The following SH2D4B variants were observed in gnomAD, a reference collection of about 807,000 sequenced individuals.
SH2D4B encodes the protein SH2 domain-containing protein 4B.
Under a neutral mutation model 61.5 loss-of-function variants are expected in SH2D4B, and 45 were observed. The ratio of observed to expected loss-of-function variants is 0.73; its 90% CI spans 0.58 to 0.94. The LOEUF is 0.94. Among genes scored for constraint, SH2D4B ranks in the 40% least tolerant of loss-of-function variants. The pLI, the probability that SH2D4B is intolerant of heterozygous loss-of-function variation, is 0.00. For synonymous variants in SH2D4B, 224 were observed against 220.4 expected (o/e 1.02, Z -0.14); for missense variants, 572 against 574.2 (o/e 1.00, Z 0.04).
At chr10:80,566,238 C>G (rs1214342308) in intron 1 of SH2D4B, among the ~76,000 whole-genome samples, 2 of 151,344 alleles carry the variant, frequency 1.3e-5, no homozygotes, top group African/African-American at 2.4e-5. Context: ...CATCTTGTCA[C>G]TCATAGATGA....
chr10:80,629,479 A>G (rs970146535), intron 6 of SH2D4B, among the ~76,000 whole-genome samples: 1 of 152,196 alleles, frequency 6.6e-6, no homozygotes, highest in African/African-American at 2.4e-5. Flanking sequence ...ACAGAGACCT[A>G]GACAGTCTCC....
At chr10:80,639,249 G>T (rs909904207) in intron 7 of SH2D4B, among the ~76,000 whole-genome samples, 1 of 152,202 alleles carries the variant, frequency 6.6e-6, no homozygotes, top group African/African-American at 2.4e-5. Context: ...GTGCTGAGAA[G>T]AATGTATATT....
chr10:80,585,326 C>CTTTT (rs35967768), intron 3 of SH2D4B, among the ~76,000 whole-genome samples: 2 of 142,318 alleles, frequency 1.4e-5, no homozygotes, highest in African/African-American at 2.6e-5. Flanking sequence ...TCCTCTTTTT[C>CTTTT]TTTTTTTTTT....
intron 6 of SH2D4B, among the ~76,000 whole-genome samples, chr10:80,632,178 A>G (rs1402119831): frequency 2.0e-5 from 3 of 152,046 alleles, no homozygotes; most frequent in Non-Finnish European, 4.4e-5. Context: ...CTGATCTTGA[A>G]CTACTGGGCT....
At chr10:80,546,809 G>C (rs7097741) in intron 1 of SH2D4B, among the ~76,000 whole-genome samples, 1 of 151,822 alleles carries the variant, frequency 6.6e-6, no homozygotes, top group Non-Finnish European at 1.5e-5. Context: ...TTACAGGCGT[G>C]AGCCACCGCG....
intron 6 of SH2D4B, among the ~76,000 whole-genome samples, chr10:80,621,791 G>A (rs1382270321): frequency 6.6e-6 from 1 of 152,210 alleles, no homozygotes; most frequent in African/African-American, 2.4e-5. Flanking sequence ...TCCCTGCAGT[G>A]ATCATCCCCT....
chr10:80,616,500 C>T (rs1191519828), intron 6 of SH2D4B, among the ~76,000 whole-genome samples: 2 of 152,138 alleles, frequency 1.3e-5, no homozygotes, highest in African/African-American at 4.8e-5. Context: ...TGTAGGAAAG[C>T]GTAGGTTGTA....
At chr10:80,567,523 G>T (rs1303312189) in intron 1 of SH2D4B, among the ~76,000 whole-genome samples, 1 of 152,214 alleles carries the variant, frequency 6.6e-6, no homozygotes, top group Non-Finnish European at 1.5e-5. Flanking sequence ...GTCTGAATGT[G>T]CTGAGAAGAC....
intron 1 of SH2D4B, among the ~76,000 whole-genome samples, chr10:80,566,090 CAAAAAA>C (rs60774703): frequency 2.1e-4 from 5 of 23,806 alleles, no homozygotes; most frequent in African/African-American, 8.6e-4. Flanking sequence ...GACTCCGGCT[CAAAAAA>C]AAAAAAAAAA....
In SH2D4B at chr10:80,597,794, G is replaced by A. The variant is rs923222858; in HGVS notation, c.644-5785G>A. Among the ~76,000 whole-genome samples the A allele has an allele frequency of 3.9e-5, 6 of 152,360 alleles. No individual in the cohort carries two copies. In the South Asian group the frequency reaches 8.3e-4, roughly 21 times the overall value. On this transcript the variant is annotated intron_variant, in intron 4 of 7. Coordinates refer to ENST00000646907, the MANE Select transcript of SH2D4B (RefSeq NM_001388272.1). Reference sequence around the variant, plus strand: ...TTTGGTTCAGGGAAAATGGGTGGGCGAAGAAGGTGGGACAGGGTGTCATAG... The same window carrying A: ...TTTGGTTCAGGGAAAATGGGTGGGCAAAGAAGGTGGGACAGGGTGTCATAG...
rs1369548990 is a variant in SH2D4B at position 80,644,261 on chromosome 10, C to T, written c.*176C>T. On this transcript the variant is annotated 3_prime_UTR_variant, in exon 8 of 8. Transcript: ENST00000646907. ...TGGCATAGGGCTACTGGTCTCATCC[C>T]AGCGATCGGGACAGAAATTGCTAAT... The T allele has an allele frequency of 1.7e-6, 1 of 577,568 alleles. No individual in the cohort carries two copies. Among genetic ancestry groups the T allele is most frequent in the African/African-American group, 1.9e-5 (1 of 53,272 alleles). The allele number at this position is 577,568 out of a possible 1,614,324, so 35.8% of individuals were successfully genotyped here. A position where few individuals can be genotyped will look rare whatever the true frequency, so the allele number is the denominator to read the frequency against.
intron 6 of SH2D4B, among the ~76,000 whole-genome samples, chr10:80,624,107 C>T (rs186309323): frequency 6.6e-6 from 1 of 152,312 alleles, no homozygotes; most frequent in East Asian, 1.9e-4. Flanking sequence ...TAGAATGTGG[C>T]AGAACTCCTG....
At chr10:80,595,469 C>G (rs1842375740) in intron 4 of SH2D4B, among the ~76,000 whole-genome samples, 1 of 152,174 alleles carries the variant, frequency 6.6e-6, no homozygotes, top group Admixed American at 6.5e-5. Context: ...CCCATGGTCC[C>G]TGGTCCCCTG....
rs1366393199 is a variant in SH2D4B at position 80,646,344 on chromosome 10, G to A, written c.*2259G>A. On this transcript the variant is annotated 3_prime_UTR_variant, in exon 8 of 8. Transcript: ENST00000646907. Reference sequence around the variant, plus strand: ...TTCCTGTCACCCCTAATTAATATGTGAGAGACAACAGCTGGGTTTTCCATC... The same window carrying A: ...TTCCTGTCACCCCTAATTAATATGTAAGAGACAACAGCTGGGTTTTCCATC... 1 of 152,588 alleles carries A rather than the reference G, an allele frequency of 6.6e-6. No individual in the cohort carries two copies. The highest frequency in any genetic ancestry group is 1.9e-4 in the East Asian group (1 of 5,194). The allele number at this position is 152,588 out of a possible 1,614,324, so 9.5% of individuals were successfully genotyped here.
In SH2D4B at chr10:80,624,619, T is replaced by A. The variant is rs74652963; in HGVS notation, c.989-9666T>A. Among the ~76,000 whole-genome samples, 218 of 152,354 alleles carry A rather than the reference T, an allele frequency of 1.4e-3. 3 individuals carry two copies. In the East Asian group the frequency reaches 0.041, roughly 28 times the overall value. On this transcript the variant is annotated intron_variant, in intron 6 of 7. Coordinates refer to ENST00000646907, the MANE Select transcript of SH2D4B (RefSeq NM_001388272.1). ...GCTACATGTTAGAATCAACTGAGAA[T>A]GTTTTCAACCATACCACTGCTTGAT...
intron 3 of SH2D4B, among the ~76,000 whole-genome samples, chr10:80,573,200 A>T (rs990119813): frequency 1.6e-4 from 22 of 140,114 alleles, no homozygotes; most frequent in Non-Finnish European, 3.3e-4. Flanking sequence ...GTTAGCCAGG[A>T]TGGTCTCGAT....
intron 3 of SH2D4B, among the ~76,000 whole-genome samples, chr10:80,577,125 T>C (rs1364977731): frequency 1.3e-5 from 2 of 152,220 alleles, no homozygotes; most frequent in East Asian, 3.8e-4. Context: ...TTCCCTCTCT[T>C]GCGATGCTCA....
In SH2D4B at chr10:80,615,921, G is replaced by A. The variant is rs1282294169; in HGVS notation, c.988+6370G>A. On this transcript the variant is annotated intron_variant, in intron 6 of 7. Coordinates refer to ENST00000646907, the MANE Select transcript of SH2D4B (RefSeq NM_001388272.1). ...AACATTTTTAAAGTGTTTAGAACATGGTGTCATGCAATAAATGCTTTGGTT... is the reference window on the plus strand; with the variant it reads ...AACATTTTTAAAGTGTTTAGAACATAGTGTCATGCAATAAATGCTTTGGTT... Among the ~76,000 whole-genome samples, 5 of 152,130 alleles carry A rather than the reference G, an allele frequency of 3.3e-5. No homozygotes were observed. The East Asian group carries it at 7.7e-4, about 23-fold the overall frequency.
intron 5 of SH2D4B, among the ~76,000 whole-genome samples, chr10:80,606,649 G>A (rs1479364837): frequency 1.3e-5 from 2 of 152,126 alleles, no homozygotes; most frequent in Non-Finnish European, 2.9e-5. Context: ...TGCCCGGCCT[G>A]TTACATTTAT....
Sources: allele counts gnomAD v4.1 joint callset (sites outside exome capture counted in the v4.1 genomes callset), GRCh38; gene constraint gnomAD v4.1.1; transcripts MANE v1.5; gene names NCBI Gene and HGNC (gene_info 2026-07-23, HGNC 2026-07-21).